The following FAM47C variants were observed in gnomAD, a reference collection of about 807,000 sequenced individuals.
The protein encoded by FAM47C is putative protein FAM47C.
For synonymous variants in FAM47C, 307 were observed against 346.5 expected (o/e 0.89, Z 1.27); for missense variants, 847 against 879.9 (o/e 0.96, Z 0.47).
Position 37,010,751 on chromosome X carries a change from C to T in FAM47C, c.2341C>T (p.Pro781Ser), listed in dbSNP as rs1556333148. The change falls in exon 1 of 1, where the codon CCT becomes TCT. Residue 781 changes from proline (P) to serine (S), a missense_variant. Pro to Ser is a moderately conservative substitution (Grantham distance 74). Coordinates refer to ENST00000358047, the MANE Select transcript of FAM47C (RefSeq NM_001013736.3). ...CCATCTCCACCCAGAGCTTCCCAAG[C>T]CTCGGGTATCCAGTCTCCACCTGGA... The part of the protein sequence containing the change: ...VSHLHPELPK[P>S]RVSSLHLEPP... 8.3e-7 allele frequency: 1 copy of T among 1,209,449 alleles called. No homozygotes were observed.
chrX:37,010,314 C>T lies in FAM47C; in HGVS notation c.1904C>T (p.Pro635Leu), dbSNP rs1314403730. 1.7e-6 allele frequency: 2 copies of T among 1,188,525 alleles called. No homozygotes were observed. The highest frequency in any genetic ancestry group is 6.1e-5 in the East Asian group (2 of 33,003). Residue 635 changes from proline to leucine, a missense_variant, in exon 1 of 1, where the codon CCC (proline) becomes CTC (leucine). Physicochemically the swap from Pro to Leu is moderately conservative, Grantham distance 98 (BLOSUM62 -3). Transcript: ENST00000358047. Reference sequence around the variant, plus strand: ...GTGTCCCATCTCCGCCCAGAGCCTCCCAAGACTCGGATGTACAGTCTCCGC... The same window carrying T: ...GTGTCCCATCTCCGCCCAGAGCCTCTCAAGACTCGGATGTACAGTCTCCGC... ...TGVSHLRPEP[P>L]KTRMYSLRPE...
In FAM47C at chrX:37,008,751, G is replaced by C; in HGVS notation, c.341G>C (p.Arg114Pro). The change falls in exon 1 of 1, where the codon CGG becomes CCG. Residue 114 changes from arginine to proline, a missense_variant. By Grantham distance (103) the Arg-to-Pro change is moderately radical (BLOSUM62 -2). Coordinates refer to ENST00000358047, the MANE Select transcript of FAM47C (RefSeq NM_001013736.3). Reference sequence around the variant, plus strand: ...AAGCTCTCGCCAGCACAGCCAGCACGGAAGGCGTTCGTAGAGGAAGTGGAA... The same window carrying C: ...AAGCTCTCGCCAGCACAGCCAGCACCGAAGGCGTTCGTAGAGGAAGTGGAA... Reference protein sequence around the residue: ...FSKLSPAQPARKAFVEEVEAQ... With the variant: ...FSKLSPAQPAPKAFVEEVEAQ... The C allele has an allele frequency of 8.3e-7, 1 of 1,211,769 alleles. No homozygotes were observed. The highest frequency in any genetic ancestry group is 1.1e-6 in the Non-Finnish European group (1 of 895,432).
chrX:37,009,270 C>G lies in FAM47C; in HGVS notation c.860C>G (p.Pro287Arg). The change falls in exon 1 of 1, where the codon CCC becomes CGC. Residue 287 changes from proline (P) to arginine (R), a missense_variant. By Grantham distance (103) the Pro-to-Arg change is moderately radical (BLOSUM62 -2). Transcript: ENST00000358047. Reference sequence around the variant, plus strand: ...GTGTCTCATCTCTGCCCAGAGCCTCCCAAGACTCGCGTATCTCATCTCCAT... The same window carrying G: ...GTGTCTCATCTCTGCCCAGAGCCTCGCAAGACTCGCGTATCTCATCTCCAT... ...TGVSHLCPEP[P>R]KTRVSHLHRE... is the part of the protein sequence containing the mutation. 2 of 1,210,300 alleles carry G rather than the reference C, an allele frequency of 1.7e-6. No individual in the cohort carries two copies. The highest frequency in any genetic ancestry group is 1.1e-6 in the Non-Finnish European group (1 of 894,994).
In FAM47C at chrX:37,010,076, T is replaced by A. The variant is rs1601930267; in HGVS notation, c.1666T>A (p.Ser556Thr). The A allele has an allele frequency of 8.3e-7, 1 of 1,199,507 alleles. No homozygotes were observed. Among genetic ancestry groups the A allele is most frequent in the East Asian group, 3.1e-5 (1 of 32,759 alleles). The part of the protein sequence containing the change: ...LRPEPPETGV[S>T]HLRPEPPKTR... ...CCCAGAGCCTCCTGAGACTGGAGTG[T>A]CCCATCTCCGCCCAGAGCCTCCCAA... Residue 556 changes from serine (S) to threonine (T), a missense_variant, in exon 1 of 1, where the codon TCC (serine) becomes ACC (threonine). Coordinates refer to ENST00000358047, the MANE Select transcript of FAM47C (RefSeq NM_001013736.3).
At position 37,009,561 on chromosome X, in the gene FAM47C, A is replaced by G. The variant is rs1556332165; in HGVS notation, c.1151A>G (p.Lys384Arg). 8.3e-7 allele frequency: 1 copy of G among 1,208,567 alleles called. No homozygotes were observed. Among genetic ancestry groups the G allele is most frequent in the Admixed American group, 2.2e-5 (1 of 45,753 alleles). ...TCCCATCTCTGCCCGGAACCTCCCA[A>G]GACTCGCGTACCTCCTCTCCGCCCA... is the stretch of plus-strand genomic sequence containing the variant. The part of the protein sequence containing the change: ...GVSHLCPEPP[K>R]TRVPPLRPET... Residue 384 changes from lysine (K) to arginine (R), a missense_variant, in exon 1 of 1, where the codon AAG becomes AGG. Coordinates refer to ENST00000358047, the MANE Select transcript of FAM47C (RefSeq NM_001013736.3).
chrX:37,011,503 A>G lies in FAM47C; in HGVS notation c.3093A>G (p.Ala1031=), dbSNP rs782739471. 1 of 1,185,433 alleles carries G rather than the reference A, an allele frequency of 8.4e-7. No homozygotes were observed. The highest frequency in any genetic ancestry group is 1.9e-5 in the South Asian group (1 of 52,432). ...AGTACAAAGAAGACGTCACAGATGCATCGGAAGAAGATTAGATGGTTTTGA... is the reference window on the plus strand; with the variant it reads ...AGTACAAAGAAGACGTCACAGATGCGTCGGAAGAAGATTAGATGGTTTTGA... ...VYKYKEDVTD[A]SEED is the part of the protein sequence containing the mutation. The change falls in exon 1 of 1, where the codon GCA becomes GCG. Residue 1031 remains alanine (A), a synonymous_variant. Coordinates refer to ENST00000358047, the MANE Select transcript of FAM47C (RefSeq NM_001013736.3).
Position 37,009,646 on chromosome X carries a change from T to C in FAM47C, c.1236T>C (p.Ser412=), listed in dbSNP as rs1401454925. Residue 412 remains serine, a synonymous_variant, in exon 1 of 1, where the codon TCT becomes TCC. Coordinates refer to ENST00000358047, the MANE Select transcript of FAM47C (RefSeq NM_001013736.3). The part of the protein sequence containing the change: ...LFPEPPKTRI[S]NLRSEPPKIG... ...CGGAGCCTCCCAAGACTCGCATATCTAATCTCCGCTCGGAGCCTCCCAAGA... is the reference window on the plus strand; with the variant it reads ...CGGAGCCTCCCAAGACTCGCATATCCAATCTCCGCTCGGAGCCTCCCAAGA... The C allele has an allele frequency of 3.3e-6, 4 of 1,195,685 alleles. No individual in the cohort carries two copies. The highest frequency in any genetic ancestry group is 2.2e-6 in the Non-Finnish European group (2 of 889,996).
rs782173391 is a variant in FAM47C at position 37,010,254 on chromosome X, T to C, written c.1844T>C (p.Val615Ala). 8.5e-7 allele frequency: 1 copy of C among 1,178,888 alleles called. No individual in the cohort carries two copies. Among genetic ancestry groups the C allele is most frequent in the South Asian group, 1.8e-5 (1 of 55,457 alleles). The change falls in exon 1 of 1, where the codon GTA becomes GCA. Residue 615 changes from valine to alanine, a missense_variant. Val to Ala is a moderately conservative substitution (Grantham distance 64). Transcript: ENST00000358047. ...TGCCCGGAGCCTCCAGAGACTCGCG[T>C]ATCTCATCTCCGCCCAGAGCCTCCT... is the stretch of plus-strand genomic sequence containing the variant. ...HLCPEPPETR[V>A]SHLRPEPPET...
In FAM47C at chrX:37,008,868, T is replaced by C; in HGVS notation, c.458T>C (p.Leu153Pro). 1 of 1,212,009 alleles carries C rather than the reference T, an allele frequency of 8.3e-7. No homozygotes were observed. Residue 153 changes from leucine to proline, a missense_variant, in exon 1 of 1, where the codon CTG becomes CCG. Leu to Pro is a moderately conservative substitution (Grantham distance 98). Transcript: ENST00000358047. ...PDLLLQVLKP[L>P]DPERKLEDAG... ...CTCCTACTACAGGTACTGAAACCGC[T>C]GGACCCTGAGAGGAAGCTGGAGGAC...
chrX:37,009,800 C>T lies in FAM47C; in HGVS notation c.1390C>T (p.Leu464=). The change falls in exon 1 of 1, where the codon CTG becomes TTG. Residue 464 remains leucine, a synonymous_variant. Transcript: ENST00000358047. ...CAAGACTCGGGTGTCCAGTCTCCACCTGGAGCCTCCTGAGACTGGAGTGTC... is the reference window on the plus strand; with the variant it reads ...CAAGACTCGGGTGTCCAGTCTCCACTTGGAGCCTCCTGAGACTGGAGTGTC... ...PPKTRVSSLH[L]EPPETGVSHL... is the part of the protein sequence containing the mutation. 1 of 1,205,629 alleles carries T rather than the reference C, an allele frequency of 8.3e-7. No individual in the cohort carries two copies. The highest frequency in any genetic ancestry group is 1.1e-6 in the Non-Finnish European group (1 of 893,110).
chrX:37,008,370 A>C lies in FAM47C; in HGVS notation c.-41A>C. 299 of 1,035,718 alleles carry C rather than the reference A, an allele frequency of 2.9e-4. No individual in the cohort carries two copies. Among genetic ancestry groups the C allele is most frequent in the Non-Finnish European group, 3.2e-4 (248 of 767,325 alleles). 85.4% of individuals were successfully genotyped at this position (1,035,718 alleles called of 1,213,427 possible). On this transcript the variant is annotated 5_prime_UTR_variant, in exon 1 of 1. Transcript: ENST00000358047. ...GCGACTAGAGCGTCAGGGATCAGGA[A>C]CCGCGGAAACTGGAGAGGTGGCACC... is the stretch of plus-strand genomic sequence containing the variant.
Position 37,011,238 on chromosome X carries a change from T to C in FAM47C, c.2828T>C (p.Leu943Pro). 8.3e-7 allele frequency: 1 copy of C among 1,211,137 alleles called. No individual in the cohort carries two copies. Among genetic ancestry groups the C allele is most frequent in the Admixed American group, 2.2e-5 (1 of 46,029 alleles). The part of the protein sequence containing the change: ...HVKMGYGAWY[L>P]KPKLGKKLRS... ...AAGATGGGGTATGGAGCATGGTACC[T>C]CAAGCCTAAGTTGGGGAAAAAGCTA... is the stretch of plus-strand genomic sequence containing the variant. The change falls in exon 1 of 1, where the codon CTC becomes CCC. Residue 943 changes from leucine (L) to proline (P), a missense_variant. Coordinates refer to ENST00000358047, the MANE Select transcript of FAM47C (RefSeq NM_001013736.3).
Position 37,008,713 on chromosome X carries a change from G to A in FAM47C, c.303G>A (p.Ala101=). 8.3e-7 allele frequency: 1 copy of A among 1,212,069 alleles called. No individual in the cohort carries two copies. The highest frequency in any genetic ancestry group is 2.3e-4 in the Middle Eastern group (1 of 4,350). The change falls in exon 1 of 1, where the codon GCG becomes GCA. Residue 101 remains alanine, a synonymous_variant. Coordinates refer to ENST00000358047, the MANE Select transcript of FAM47C (RefSeq NM_001013736.3). ...GGAAGAAAAAGCTGCTCAAGAAAGC[G>A]GCCCTGTTTTCCAAGCTCTCGCCAG... ...KSRKKKLLKK[A]ALFSKLSPAQ... is the part of the protein sequence containing the mutation.
rs1556333498 is a variant in FAM47C at position 37,011,523 on chromosome X, T to A, written c.*5T>A. The A allele has an allele frequency of 8.6e-7, 1 of 1,156,610 alleles. No homozygotes were observed. Among genetic ancestry groups the A allele is most frequent in the Non-Finnish European group, 1.2e-6 (1 of 865,717 alleles). On this transcript the variant is annotated 3_prime_UTR_variant, in exon 1 of 1. Transcript: ENST00000358047. ...GATGCATCGGAAGAAGATTAGATGG[T>A]TTTGAATTTACTAGTTAATTGGGTA... is the stretch of plus-strand genomic sequence containing the variant.
Position 37,011,614 on chromosome X carries a change from T to C in FAM47C, c.*96T>C, listed in dbSNP as rs1927805105. The C allele has an allele frequency of 9.0e-6, 7 of 779,151 alleles. 1 individual carries two copies. The East Asian group carries it at 2.3e-4, about 25-fold the overall frequency. The allele number at this position is 779,151 out of a possible 1,213,427, so 64.2% of individuals were successfully genotyped here. A position where few individuals can be genotyped will look rare whatever the true frequency, so the allele number is the denominator to read the frequency against. ...GACTGGCCCCAGGAATGTACAACGTTGGCAACATCTGTAAATTCAATACCT... is the reference window on the plus strand; with the variant it reads ...GACTGGCCCCAGGAATGTACAACGTCGGCAACATCTGTAAATTCAATACCT... On this transcript the variant is annotated 3_prime_UTR_variant, in exon 1 of 1. Coordinates refer to ENST00000358047, the MANE Select transcript of FAM47C (RefSeq NM_001013736.3).
At position 37,011,124 on chromosome X, in the gene FAM47C, A is replaced by G; in HGVS notation, c.2714A>G (p.Glu905Gly). Residue 905 changes from glutamate to glycine, a missense_variant, in exon 1 of 1, where the codon GAA becomes GGA. Physicochemically the swap from Glu to Gly is moderately conservative, Grantham distance 98. Coordinates refer to ENST00000358047, the MANE Select transcript of FAM47C (RefSeq NM_001013736.3). ...CTGAAGTACAGCATGGAGCTAGACG[A>G]AATGGATGAGGTCAAATTCTTCTCA... ...SGLKYSMELD[E>G]MDEVKFFSQE... 1 of 1,211,630 alleles carries G rather than the reference A, an allele frequency of 8.3e-7. No homozygotes were observed. Among genetic ancestry groups the G allele is most frequent in the South Asian group, 1.8e-5 (1 of 56,889 alleles).
In FAM47C at chrX:37,008,734, G is replaced by A; in HGVS notation, c.324G>A (p.Ser108=). The A allele has an allele frequency of 1.7e-6, 2 of 1,211,454 alleles. No individual in the cohort carries two copies. The highest frequency in any genetic ancestry group is 4.6e-4 in the Middle Eastern group (2 of 4,345). The change falls in exon 1 of 1, where the codon TCG becomes TCA. Residue 108 remains serine (S), a synonymous_variant. Coordinates refer to ENST00000358047, the MANE Select transcript of FAM47C (RefSeq NM_001013736.3). ...AAGCGGCCCTGTTTTCCAAGCTCTC[G>A]CCAGCACAGCCAGCACGGAAGGCGT... ...LKKAALFSKL[S]PAQPARKAFV...
At position 37,011,190 on chromosome X, in the gene FAM47C, A is replaced by T; in HGVS notation, c.2780A>T (p.Asn927Ile). 1 of 1,210,850 alleles carries T rather than the reference A, an allele frequency of 8.3e-7. No individual in the cohort carries two copies. Among genetic ancestry groups the T allele is most frequent in the South Asian group, 1.8e-5 (1 of 56,708 alleles). ...DLDGKIQNAPNSHSAQHVKMG... is the reference protein window; with the variant it reads ...DLDGKIQNAPISHSAQHVKMG... ...GACGGGAAAATCCAGAATGCACCAA[A>T]TTCTCATAGTGCACAGCATGTGAAG... is the stretch of plus-strand genomic sequence containing the variant. The change falls in exon 1 of 1, where the codon AAT becomes ATT. Residue 927 changes from asparagine to isoleucine, a missense_variant. Physicochemically the swap from Asn to Ile is moderately radical, Grantham distance 149. Coordinates refer to ENST00000358047, the MANE Select transcript of FAM47C (RefSeq NM_001013736.3).
chrX:37,008,590 C>A lies in FAM47C; in HGVS notation c.180C>A (p.Tyr60Ter), dbSNP rs1927665414. Residue 60 changes from tyrosine (Y) to a stop codon, truncating the protein, a stop_gained, in exon 1 of 1, where the codon TAC becomes TAA. Coordinates refer to ENST00000358047, the MANE Select transcript of FAM47C (RefSeq NM_001013736.3). LOFTEE classifies it low-confidence loss of function (END_TRUNC). ...FVTEGMDDFR[Y>*]GCQSPEDTLV... Reference sequence around the variant, plus strand: ...CGGAGGGCATGGACGACTTCCGCTACGGCTGTCAGTCTCCTGAAGATACGC... The same window carrying A: ...CGGAGGGCATGGACGACTTCCGCTAAGGCTGTCAGTCTCCTGAAGATACGC... The A allele has an allele frequency of 8.2e-7, 1 of 1,212,591 alleles. No individual in the cohort carries two copies. The highest frequency in any genetic ancestry group is 1.1e-6 in the Non-Finnish European group (1 of 895,665).
Sources: allele counts gnomAD v4.1 joint callset, GRCh38; gene constraint gnomAD v4.1.1; transcripts MANE v1.5; gene names NCBI Gene and HGNC (gene_info 2026-07-23, HGNC 2026-07-21).